DNAJC3: variants seen among roughly 807,000 people sequenced by gnomAD.
The protein encoded by DNAJC3 is dnaJ homolog subfamily C member 3.
A neutral mutation model predicts 68.6 loss-of-function variants in DNAJC3; 38 were observed. The ratio of observed to expected loss-of-function variants is 0.55; its 90% CI spans 0.43 to 0.73. The LOEUF is 0.73. Ranked by LOEUF, DNAJC3 falls within the 30% of genes least tolerant of loss-of-function variation. DNAJC3 has a pLI of 0.00. For missense variants in DNAJC3, 526 were observed against 591.9 expected, an observed-to-expected ratio of 0.89 and a Z score of 1.16; for synonymous variants, 203 against 204.0, an observed-to-expected ratio of 1.00 and a Z score of 0.04.
In DNAJC3 at chr13:95,759,974, G is replaced by T. The variant is rs148748936; in HGVS notation, c.547-66G>T. On this transcript the variant is annotated intron_variant, in intron 5 of 11. Coordinates refer to ENST00000602402, the MANE Select transcript of DNAJC3 (RefSeq NM_006260.5). ...TGATAAATACGTAGATAAAAAATAC[G>T]TGGAATGCAACAATGAATGTGCATA... 49 of 1,418,402 alleles carry T rather than the reference G, an allele frequency of 3.5e-5. No individual in the cohort carries two copies. In the African/African-American group the frequency reaches 6.4e-4, roughly 19 times the overall value. The allele number at this position is 1,418,402 out of a possible 1,614,324, so 87.9% of individuals were successfully genotyped here.
chr13:95,705,828 T>G (rs188519274), intron 1 of DNAJC3, among the ~76,000 whole-genome samples: 2 of 152,304 alleles, frequency 1.3e-5, no homozygotes, highest in Admixed American at 1.3e-4. Flanking sequence ...CTTGAGCTAC[T>G]GTGCCTGGCC....
At chr13:95,684,440 A>G (rs905340241) in intron 1 of DNAJC3, among the ~76,000 whole-genome samples, 2 of 152,234 alleles carry the variant, frequency 1.3e-5, no homozygotes, top group African/African-American at 4.8e-5. Flanking sequence ...GCTCATATTC[A>G]TGAACAAAGA....
intron 7 of DNAJC3, among the ~76,000 whole-genome samples, chr13:95,762,552 G>T (rs1409588996): frequency 6.6e-6 from 1 of 152,072 alleles, no homozygotes; most frequent in African/African-American, 2.4e-5. Flanking sequence ...TTTTAGTTGT[G>T]CTTAGCTGGA....
chr13:95,737,103 G>C (rs1043943884), intron 4 of DNAJC3, among the ~76,000 whole-genome samples: 1 of 149,888 alleles, frequency 6.7e-6, no homozygotes, highest in Non-Finnish European at 1.5e-5. Flanking sequence ...CTTTGGCTCT[G>C]TTTATATGCT....
chr13:95,735,748 A>C (rs1341737892), intron 4 of DNAJC3, among the ~76,000 whole-genome samples: 1 of 151,674 alleles, frequency 6.6e-6, no homozygotes, highest in Non-Finnish European at 1.5e-5. Context: ...TAGGTTGCAA[A>C]AATTTTCTCC....
At chr13:95,686,672 C>G (rs1290895718) in intron 1 of DNAJC3, among the ~76,000 whole-genome samples, 1 of 152,174 alleles carries the variant, frequency 6.6e-6, no homozygotes, top group Non-Finnish European at 1.5e-5. Flanking sequence ...TGTCAAAGAT[C>G]AATCTGTTGG....
intron 1 of DNAJC3, chr13:95,695,340 T>G (rs1188928395): frequency 6.6e-6 from 1 of 152,202 alleles, no homozygotes; most frequent in African/African-American, 2.4e-5. Flanking sequence ...ACAATTACAC[T>G]TTAGCCAACC....
intron 1 of DNAJC3, among the ~76,000 whole-genome samples, chr13:95,704,851 G>GTTTTTTTTTGTTTTTTTTTTTTTT (rs1880681419): frequency 1.0e-5 from 1 of 97,860 alleles, no homozygotes; most frequent in Non-Finnish European, 1.9e-5. Context: ...GTGTGTGTGT[G>GTTTTTTTTTGTTTTTTTTTTTTTT]TTTTTTTTTT....
intron 11 of DNAJC3, 87 bp from the exon 12 acceptor site, chr13:95,790,785 AC>A: frequency 9.7e-7 from 1 of 1,033,876 alleles, no homozygotes; most frequent in Non-Finnish European, 1.4e-6. Flanking sequence ...CCTCAAGCCC[AC>A]CCACCCTCCT....
At chr13:95,735,906 T>A (rs1881900605) in intron 4 of DNAJC3, among the ~76,000 whole-genome samples, 1 of 152,228 alleles carries the variant, frequency 6.6e-6, no homozygotes, top group Non-Finnish European at 1.5e-5. Context: ...CATGCCTATG[T>A]CCTGAATGGT....
At chr13:95,736,203 C>A (rs144246308) in intron 4 of DNAJC3, among the ~76,000 whole-genome samples, 1 of 152,108 alleles carries the variant, frequency 6.6e-6, no homozygotes, top group African/African-American at 2.4e-5. Flanking sequence ...GTACTAGTAC[C>A]ATGCTGCTTT....
chr13:95,764,006 TCA>T (rs1163254771), intron 9 of DNAJC3, 53 bp downstream of exon 9: 1 of 1,588,252 alleles, frequency 6.3e-7, no homozygotes, highest in Non-Finnish European at 8.6e-7. Context: ...TAGGAAATTA[TCA>T]CATTTTAAGC....
chr13:95,767,691 GT>G (rs796243780), intron 9 of DNAJC3, among the ~76,000 whole-genome samples: 227 of 135,764 alleles, frequency 1.7e-3, no homozygotes, highest in Middle Eastern at 3.8e-3. Context: ...AGTTTTTTGG[GT>G]TTTTTTTTTT....
intron 4 of DNAJC3, among the ~76,000 whole-genome samples, chr13:95,731,104 A>G (rs1039448543): frequency 1.3e-5 from 2 of 151,686 alleles, no homozygotes; most frequent in Admixed American, 6.6e-5. Context: ...AAGTGATTTC[A>G]TTATTGGTGT....
chr13:95,724,144 A>C (rs1020723379), intron 3 of DNAJC3, among the ~76,000 whole-genome samples: 1 of 152,202 alleles, frequency 6.6e-6, no homozygotes, highest in Non-Finnish European at 1.5e-5. Flanking sequence ...ATATTTTTCA[A>C]ATTTATCTTA....
chr13:95,784,951 A>T (rs940694916), intron 9 of DNAJC3, among the ~76,000 whole-genome samples: 9 of 152,116 alleles, frequency 5.9e-5, no homozygotes, highest in Non-Finnish European at 7.3e-5. Flanking sequence ...GTCTCTTAAA[A>T]TTTTTAAAAA....
intron 9 of DNAJC3, among the ~76,000 whole-genome samples, chr13:95,771,614 C>T (rs561604626): frequency 1.3e-5 from 2 of 152,218 alleles, no homozygotes; most frequent in East Asian, 1.9e-4. Flanking sequence ...AGGATTCTTG[C>T]TCAAGCTGGA....
At chr13:95,690,931 C>T (rs1880227406) in intron 1 of DNAJC3, among the ~76,000 whole-genome samples, 8 of 135,316 alleles carry the variant, frequency 5.9e-5, no homozygotes, top group Admixed American at 5.8e-4. Context: ...ACCCCCCCCA[C>T]CTCCCTCCCG....
chr13:95,722,692 C>T (rs909711714), intron 2 of DNAJC3, among the ~76,000 whole-genome samples: 5 of 150,556 alleles, frequency 3.3e-5, no homozygotes, highest in African/African-American at 7.3e-5. Flanking sequence ...GTGGCGAATA[C>T]GCCTGTTGTC....
Sources: allele counts gnomAD v4.1 joint callset (sites outside exome capture counted in the v4.1 genomes callset), GRCh38; gene constraint gnomAD v4.1.1; transcripts MANE v1.5; gene names NCBI Gene and HGNC (gene_info 2026-07-23, HGNC 2026-07-21).